The following SESN1 variants were observed in gnomAD, a reference collection of about 807,000 sequenced individuals.
The protein encoded by SESN1 is sestrin-1.
Under a neutral mutation model 59.3 loss-of-function variants are expected in SESN1, and 30 were observed. The observed-to-expected ratio is 0.51, with a 90% CI of 0.38 to 0.69. The LOEUF is 0.69. Among genes scored for constraint, SESN1 ranks in the 30% least tolerant of loss-of-function variants. The probability of loss-of-function intolerance (pLI) is 0.00; values close to 1 mark genes in which losing one functional copy is unlikely to be tolerated. For synonymous variants in SESN1, 197 were observed against 219.9 expected (o/e 0.90, Z 0.92); for missense variants, 566 against 673.0 (o/e 0.84, Z 1.76).
At chr6:108,998,381 G>A (rs770749912) in intron 5 of SESN1, 132 bp downstream of exon 5, 1 of 988,606 alleles carries the variant, frequency 1.0e-6, no homozygotes, top group Non-Finnish European at 1.5e-6. Flanking sequence ...CCTACTGAAT[G>A]AATAGATATA....
chr6:108,989,418 T>C (rs187148662), intron 8 of SESN1, among the ~76,000 whole-genome samples: 15 of 148,180 alleles, frequency 1.0e-4, no homozygotes, highest in Non-Finnish European at 1.2e-4. Context: ...TATCTCTAGA[T>C]CTAGAGATAT....
intron 8 of SESN1, among the ~76,000 whole-genome samples, chr6:108,989,580 T>TAGAGAGAGATAGAGAGAGATAGAGAGAG (rs1779317488): frequency 6.6e-6 from 1 of 151,090 alleles, no homozygotes; most frequent in Admixed American, 6.6e-5. Context: ...GAGATATCTA[T>TAGAGAGAGATAGAGAGAGATAGAGAGAG]ATATAGAGAG....
intron 1 of SESN1, among the ~76,000 whole-genome samples, chr6:109,066,076 C>G (rs569244885): frequency 6.6e-6 from 1 of 152,166 alleles, no homozygotes; most frequent in Non-Finnish European, 1.5e-5. Context: ...GTTCCTGGTT[C>G]TACATTCAAA....
chr6:108,992,254 A>G (rs1779401066), intron 7 of SESN1, among the ~76,000 whole-genome samples: 1 of 152,046 alleles, frequency 6.6e-6, no homozygotes, highest in African/African-American at 2.4e-5. Flanking sequence ...ACATGCCACC[A>G]CACCTGGCTA....
rs541659681 is a variant in SESN1, at chr6:109,036,765, C to T, written c.280-34422G>A. ...ATTTTAGCTTTCTTGTTTCCAGTGG[C>T]GCTATTATTCTCACCTGTTCCCCAT... On this transcript the variant is annotated intron_variant, in intron 1 of 9. Transcript: ENST00000436639. Among the ~76,000 whole-genome samples, 153 of 152,192 alleles carry T rather than the reference C, an allele frequency of 1.0e-3. No homozygotes were observed. In the Middle Eastern group the frequency reaches 0.014, roughly 14 times the overall value.
chr6:109,078,876 T>C (rs1305107001), intron 1 of SESN1, among the ~76,000 whole-genome samples: 2 of 152,160 alleles, frequency 1.3e-5, no homozygotes, highest in Non-Finnish European at 2.9e-5. Flanking sequence ...ATTCTGTATT[T>C]TAACAAGAGA....
At position 109,094,101 on chromosome 6, in the gene SESN1, A is replaced by C; in HGVS notation, c.-28T>G. 1 of 1,587,012 alleles carries C rather than the reference A, an allele frequency of 6.3e-7. No individual in the cohort carries two copies. The highest frequency in any genetic ancestry group is 1.4e-5 in the African/African-American group (1 of 74,012). Reference sequence around the variant, plus strand: ...CAATAGTTTTTCCTTTGCGGTCTTCAGTTACCTTTCAGCATGCCCCAAAAA... The same window carrying C: ...CAATAGTTTTTCCTTTGCGGTCTTCCGTTACCTTTCAGCATGCCCCAAAAA... On this transcript the variant is annotated 5_prime_UTR_variant, in exon 1 of 10. The change abolishes the stop of an existing upstream ORF in the 5' untranslated region. Transcript: ENST00000436639.
intron 1 of SESN1, among the ~76,000 whole-genome samples, chr6:109,023,888 T>C (rs1371638935): frequency 6.6e-6 from 1 of 152,174 alleles, no homozygotes; most frequent in East Asian, 1.9e-4. Context: ...TAAGAGAATA[T>C]TGTAGATTGT....
At chr6:109,009,559 G>A in intron 1 of SESN1, 7 of 1,121,008 alleles carry the variant, frequency 6.2e-6, no homozygotes, top group Non-Finnish European at 7.6e-6. Context: ...GGACGGCGGG[G>A]GGGCGGGGCG....
chr6:109,006,199 T>C (rs1254913461), intron 1 of SESN1, among the ~76,000 whole-genome samples: 1 of 152,216 alleles, frequency 6.6e-6, no homozygotes, highest in East Asian at 1.9e-4. Flanking sequence ...ACAATATTCA[T>C]GAAAAAGTCA....
intron 1 of SESN1, among the ~76,000 whole-genome samples, chr6:109,081,075 C>G (rs1019587): frequency 0.18 from 27,992 of 151,934 alleles, 3,399 homozygotes; most frequent in African/African-American, 0.34. Context: ...AAACACTTCT[C>G]GTCCCAAGCA....
At chr6:109,072,348 C>T (rs1248205812) in intron 1 of SESN1, among the ~76,000 whole-genome samples, 1 of 152,094 alleles carries the variant, frequency 6.6e-6, no homozygotes, top group Non-Finnish European at 1.5e-5. Context: ...GGGTGATTTC[C>T]CTTCTATAGT....
chr6:109,062,173 A>G (rs1780744862), intron 1 of SESN1, among the ~76,000 whole-genome samples: 3 of 152,184 alleles, frequency 2.0e-5, no homozygotes, highest in Admixed American at 2.0e-4. Flanking sequence ...TACAGGCATG[A>G]GCCACCATGC....
In SESN1 at chr6:108,988,706, A is replaced by C. The variant is rs931018678; in HGVS notation, c.1425-19T>G. 1 of 1,571,452 alleles carries C rather than the reference A, an allele frequency of 6.4e-7. No homozygotes were observed. Among genetic ancestry groups the C allele is most frequent in the Non-Finnish European group, 8.7e-7 (1 of 1,154,938 alleles). On this transcript the variant is annotated intron_variant, in intron 8 of 9. Coordinates refer to ENST00000436639, the MANE Select transcript of SESN1 (RefSeq NM_014454.3). Reference sequence around the variant, plus strand: ...ATCATATCTGTTGAAAGACATAATGAGAATTATGATATTTTCAGTGTATAA... The same window carrying C: ...ATCATATCTGTTGAAAGACATAATGCGAATTATGATATTTTCAGTGTATAA...
chr6:109,019,698 A>T (rs1484242136), intron 1 of SESN1, among the ~76,000 whole-genome samples: 3 of 152,212 alleles, frequency 2.0e-5, no homozygotes, highest in East Asian at 3.8e-4. Context: ...AATTGAAAAA[A>T]ATTAAGTAGT....
intron 1 of SESN1, among the ~76,000 whole-genome samples, chr6:109,004,430 C>T (rs1192121069): frequency 1.3e-5 from 2 of 151,750 alleles, no homozygotes; most frequent in African/African-American, 4.8e-5. Context: ...ACGAAAATCC[C>T]CAACAATCTT....
Position 108,994,419 on chromosome 6 carries a change from G to C in SESN1, c.1120+43C>G, listed in dbSNP as rs1286139131. The C allele has an allele frequency of 4.0e-6, 6 of 1,506,928 alleles. No individual in the cohort carries two copies. The African/African-American group carries it at 5.6e-5, about 14-fold the overall frequency. The allele number at this position is 1,506,928 out of a possible 1,614,324, so 93.3% of individuals were successfully genotyped here. On this transcript the variant is annotated intron_variant, in intron 6 of 9. Coordinates refer to ENST00000436639, the MANE Select transcript of SESN1 (RefSeq NM_014454.3). ...ATTTAAATTCTCTAAATAAAAAGTT[G>C]AGTTTGCAATAATTATATTGACTAT...
intron 1 of SESN1, among the ~76,000 whole-genome samples, chr6:109,066,762 A>C (rs1365643664): frequency 6.6e-6 from 1 of 152,214 alleles, no homozygotes. Flanking sequence ...TGACCATCCC[A>C]AAAAGAAACA....
intron 1 of SESN1, among the ~76,000 whole-genome samples, chr6:109,011,123 G>A (rs2114347241): frequency 6.6e-6 from 1 of 152,328 alleles, no homozygotes; most frequent in South Asian, 2.1e-4. Context: ...TTTGTAAAAT[G>A]AAGAATGCTT....
Sources: gnomAD v4.1 joint callset for allele counts (sites outside exome capture counted in the v4.1 genomes callset) on GRCh38, gnomAD v4.1.1 for gene constraint, MANE v1.5 for transcripts, NCBI Gene and HGNC (gene_info 2026-07-23, HGNC 2026-07-21) for gene names.